The following KIF21B variants were observed in gnomAD, a reference collection of about 807,000 sequenced individuals.
The protein encoded by KIF21B is kinesin family member 21B.
KIF21B carries 85 observed loss-of-function variants against 192.9 expected under a neutral mutation model. The observed-to-expected ratio is 0.44, with a 90% CI of 0.37 to 0.53. KIF21B has a LOEUF of 0.53. Among genes scored for constraint, KIF21B ranks in the 20% least tolerant of loss-of-function variants. The probability of loss-of-function intolerance (pLI) is 0.00; values close to 1 mark genes in which losing one functional copy is unlikely to be tolerated. For synonymous variants in KIF21B, 832 were observed against 884.6 expected, an observed-to-expected ratio of 0.94 and a Z score of 1.05; for missense variants, 1,716 against 2,194.8, an observed-to-expected ratio of 0.78 and a Z score of 4.36.
chr1:200,995,893 C>T (rs1297679144), intron 15 of KIF21B, among the ~76,000 whole-genome samples: 1 of 152,138 alleles, frequency 6.6e-6, no homozygotes, highest in African/African-American at 2.4e-5. Context: ...GCTGCAGCCT[C>T]CCCAACAGGA....
rs1655183094 is a variant in KIF21B at position 200,971,013 on chromosome 1, G to A, written c.*2508C>T. 1 of 152,866 alleles carries A rather than the reference G, an allele frequency of 6.5e-6. No homozygotes were observed. The highest frequency in any genetic ancestry group is 1.5e-5 in the Non-Finnish European group (1 of 68,118). 9.5% of individuals were successfully genotyped at this position (152,866 alleles called of 1,614,324 possible). A position where few individuals can be genotyped will look rare whatever the true frequency, so the allele number is the denominator to read the frequency against. On this transcript the variant is annotated 3_prime_UTR_variant, in exon 35 of 35. Transcript: ENST00000461742. Reference sequence around the variant, plus strand: ...CTCACTTTGGACAGAGCCAACGTGGGGGGATCCTCCCGGGCCTGGGCCTGT... The same window carrying A: ...CTCACTTTGGACAGAGCCAACGTGGAGGGATCCTCCCGGGCCTGGGCCTGT...
chr1:200,988,220 G>T, intron 24 of KIF21B, 76 bp downstream of exon 24: 2 of 1,370,602 alleles, frequency 1.5e-6, no homozygotes, highest in Non-Finnish European at 2.1e-6. Flanking sequence ...GTGGAGCAGA[G>T]CCACAGTAAG....
At chr1:201,007,486 A>G (rs1657954479) in intron 3 of KIF21B, among the ~76,000 whole-genome samples, 1 of 151,658 alleles carries the variant, frequency 6.6e-6, no homozygotes, top group Admixed American at 6.6e-5. Flanking sequence ...ACACATAGAC[A>G]CACACACAGA....
rs776977757 is a variant in KIF21B, at chr1:200,990,057, G to A, written c.3031-14C>T. The A allele has an allele frequency of 1.2e-6, 2 of 1,613,050 alleles. No individual in the cohort carries two copies. Among genetic ancestry groups the A allele is most frequent in the Admixed American group, 1.7e-5 (1 of 59,992 alleles). Reference sequence around the variant, plus strand: ...GTCCAGCTCCTCCTAGGACCGGGAGGCAGAGAGCCCCGTCACCTGGGGCTA... The same window carrying A: ...GTCCAGCTCCTCCTAGGACCGGGAGACAGAGAGCCCCGTCACCTGGGGCTA... On this transcript the variant is annotated splice_polypyrimidine_tract_variant and intron_variant, in intron 20 of 34. Coordinates refer to ENST00000461742, the MANE Select transcript of KIF21B (RefSeq NM_001252102.2). This position sits in a 1 kb window ranked among gnomAD's most constrained non-coding sequence, Gnocchi z 5.4.
chr1:201,009,497 G>A lies in KIF21B; in HGVS notation c.42-9C>T, dbSNP rs1297223702. 6.2e-7 allele frequency: 1 copy of A among 1,612,472 alleles called. No individual in the cohort carries two copies. The highest frequency in any genetic ancestry group is 8.5e-7 in the Non-Finnish European group (1 of 1,179,224). ...ACAGCTGGGGCCGGATCCTGCCCAT[G>A]ATGGAGAGAGCCCTGGGTCAGGCCC... On this transcript the variant is annotated splice_polypyrimidine_tract_variant and intron_variant, in intron 1 of 34. Coordinates refer to ENST00000461742, the MANE Select transcript of KIF21B (RefSeq NM_001252102.2).
intron 7 of KIF21B, 84 bp downstream of exon 7, chr1:201,004,256 G>T (rs1246621924): frequency 2.6e-6 from 3 of 1,175,300 alleles, no homozygotes; most frequent in African/African-American, 3.0e-5. Flanking sequence ...CCTGGGGCAG[G>T]CTTGCGCCAT....
intron 1 of KIF21B, among the ~76,000 whole-genome samples, chr1:201,011,530 AG>A (rs1197625884): frequency 2.6e-5 from 4 of 152,208 alleles, no homozygotes; most frequent in Admixed American, 1.3e-4. Context: ...TCAGAGTGCC[AG>A]GGGGAAAGAA....
At chr1:201,005,490 C>A in intron 4 of KIF21B, 48 bp from the exon 5 acceptor site, 1 of 1,596,488 alleles carries the variant, frequency 6.3e-7, no homozygotes. Flanking sequence ...GTGGTGCCAG[C>A]CCCTGCCCTT....
rs1657389825 is a variant in KIF21B at position 201,000,223 on chromosome 1, A to C, written c.1685+167T>G. On this transcript the variant is annotated intron_variant, in intron 11 of 34. Coordinates refer to ENST00000461742, the MANE Select transcript of KIF21B (RefSeq NM_001252102.2). This position sits in a 1 kb window ranked among gnomAD's most constrained non-coding sequence, Gnocchi z 6.0. ...GGGAGGGAGGTTGCCCAAAAGGCTG[A>C]GCAAATCTGCGCCATGAATTCCCAA... Among the ~76,000 whole-genome samples, 1 of 152,100 alleles carries C rather than the reference A, an allele frequency of 6.6e-6. No homozygotes were observed. The highest frequency in any genetic ancestry group is 2.4e-5 in the African/African-American group (1 of 41,408).
rs761867306 is a variant in KIF21B, at chr1:201,008,976, G to A, written c.265-25C>T. 5 of 1,594,106 alleles carry A rather than the reference G, an allele frequency of 3.1e-6. No individual in the cohort carries two copies. In the East Asian group the frequency reaches 6.7e-5, roughly 21 times the overall value. On this transcript the variant is annotated intron_variant, in intron 2 of 34. Coordinates refer to ENST00000461742, the MANE Select transcript of KIF21B (RefSeq NM_001252102.2). ...TCTGCATTGGCAAAGATAGGAGGGT[G>A]TAACCCTGCACCCTTTGGGGGCACC...
rs546854577 is a variant in KIF21B at position 201,012,234 on chromosome 1, G to T, written c.42-2746C>A. ...CAGACTGCTTTGCCAGGGTGCAGGT[G>T]AGCATGCCTGAGCAGTGTCACCCAG... On this transcript the variant is annotated intron_variant, in intron 1 of 34. Transcript: ENST00000461742. 3.3e-5 allele frequency among the ~76,000 whole-genome samples: 5 copies of T among 152,274 alleles called. No homozygotes were observed. In the South Asian group the frequency reaches 1.0e-3, roughly 32 times the overall value.
At chr1:200,974,631 G>C in intron 34 of KIF21B, 83 bp downstream of exon 34, 1 of 1,444,500 alleles carries the variant, frequency 6.9e-7, no homozygotes, top group African/African-American at 1.4e-5. Flanking sequence ...GACAACTGCA[G>C]GGCCCTGAGC....
At chr1:201,004,279 C>T in intron 7 of KIF21B, 61 bp downstream of exon 7, 1 of 1,388,314 alleles carries the variant, frequency 7.2e-7, no homozygotes, top group Non-Finnish European at 1.0e-6. Flanking sequence ...CCACACAGCA[C>T]TATTTTCCAG....
Position 201,009,355 on chromosome 1 carries a change from A to G in KIF21B, c.175T>C (p.Trp59Arg), listed in dbSNP as rs1362104291. The change falls in exon 2 of 35, where the codon TGG (tryptophan) becomes CGG (arginine). Residue 59 changes from tryptophan (W) to arginine (R), a missense_variant. By Grantham distance (101) the Trp-to-Arg change is moderately radical (BLOSUM62 -3). Transcript: ENST00000461742. ...TYDFVFDLDTWQEQIYSTCVS... is the reference protein window; with the variant it reads ...TYDFVFDLDTRQEQIYSTCVS... ...CAGGTGGAATAGATCTGTTCTTGCC[A>G]GGTGTCCAGGTCGAAGACAAAGTCA... 6.2e-7 allele frequency: 1 copy of G among 1,614,288 alleles called. No homozygotes were observed. Among genetic ancestry groups the G allele is most frequent in the Admixed American group, 1.7e-5 (1 of 60,034 alleles).
intron 21 of KIF21B, 24 bp from the exon 22 acceptor site, chr1:200,988,955 G>A (rs1189675017): frequency 6.3e-7 from 1 of 1,594,160 alleles, no homozygotes; most frequent in Non-Finnish European, 8.5e-7. Context: ...ACAAAGCCTG[G>A]AGTTACCCCT....
intron 14 of KIF21B, 48 bp from the exon 15 acceptor site, chr1:200,996,443 C>T (rs1422345220): frequency 3.9e-6 from 6 of 1,539,878 alleles, no homozygotes; most frequent in Non-Finnish European, 5.4e-6. Context: ...CTAAGGGCTC[C>T]CACTAAATAC....
chr1:200,977,827 C>T lies in KIF21B; in HGVS notation c.4161-451G>A, dbSNP rs571767956. ...TCGGCTCACTGCAACCTCTGCCTCCCGGGTTCAAGCGATTCTCCTGCCTCA... is the reference window on the plus strand; with the variant it reads ...TCGGCTCACTGCAACCTCTGCCTCCTGGGTTCAAGCGATTCTCCTGCCTCA... On this transcript the variant is annotated intron_variant, in intron 30 of 34. Transcript: ENST00000461742. Among the ~76,000 whole-genome samples, 27 of 151,580 alleles carry T rather than the reference C, an allele frequency of 1.8e-4. No homozygotes were observed. In the South Asian group the frequency reaches 2.7e-3, roughly 15 times the overall value.
chr1:200,975,718 G>A lies in KIF21B; in HGVS notation c.4444-49C>T. The A allele has an allele frequency of 3.9e-6, 6 of 1,542,268 alleles. No individual in the cohort carries two copies. Among genetic ancestry groups the A allele is most frequent in the South Asian group, 1.2e-5 (1 of 81,676 alleles). On this transcript the variant is annotated intron_variant, in intron 32 of 34. Transcript: ENST00000461742. The surrounding 1 kb of genome is among the most constrained non-coding windows in gnomAD (Gnocchi z 4.3). ...GAGAGGCCAAGTGGGAGGATGGAAG[G>A]CAGGGCCTACAGCACTGTGGACCCA...
rs1199816630 is a variant in KIF21B at position 201,000,129 on chromosome 1, A to G, written c.1686-165T>C. ...CCACTGCTCTTCCCTAGGGCCACCC[A>G]GAGCTGACCTTGGCTCAGCTCAGTC... On this transcript the variant is annotated intron_variant, in intron 11 of 34. Coordinates refer to ENST00000461742, the MANE Select transcript of KIF21B (RefSeq NM_001252102.2). The surrounding 1 kb of genome is among the most constrained non-coding windows in gnomAD (Gnocchi z 6.0). Among the ~76,000 whole-genome samples the G allele has an allele frequency of 6.6e-6, 1 of 152,158 alleles. No individual in the cohort carries two copies. Among genetic ancestry groups the G allele is most frequent in the Non-Finnish European group, 1.5e-5 (1 of 68,006 alleles).
Sources: gnomAD v4.1 joint callset for allele counts (sites outside exome capture counted in the v4.1 genomes callset) on GRCh38, gnomAD v4.1.1 for gene constraint, Gnocchi (gnomAD v3.1) non-coding constraint, MANE v1.5 for transcripts, NCBI Gene and HGNC (gene_info 2026-07-23, HGNC 2026-07-21) for gene names.